SLC25A21: variants seen among roughly 807,000 people sequenced by gnomAD.
SLC25A21 encodes the protein mitochondrial 2-oxodicarboxylate carrier.
In SLC25A21, 47 loss-of-function variants were observed where a neutral mutation model predicts 43.8. The ratio of observed to expected loss-of-function variants is 1.07; its 90% confidence interval spans 0.85 to 1.37. SLC25A21 has a LOEUF of 1.37. SLC25A21 is among the 40% of genes most tolerant of loss of function. The probability of loss-of-function intolerance (pLI) is 0.00; values close to 1 mark genes in which losing one functional copy is unlikely to be tolerated. For synonymous variants in SLC25A21, 131 were observed against 121.3 expected (o/e 1.08, Z -0.52); for missense variants, 352 against 350.2 (o/e 1.00, Z -0.04).
intron 1 of SLC25A21, among the ~76,000 whole-genome samples, chr14:37,132,499 A>G (rs1332492032): frequency 6.6e-6 from 1 of 152,184 alleles, no homozygotes; most frequent in African/African-American, 2.4e-5. Context: ...TAAAATAGAA[A>G]GACTTTTCAG....
chr14:37,013,322 T>C (rs1454512095), intron 1 of SLC25A21, among the ~76,000 whole-genome samples: 4 of 152,168 alleles, frequency 2.6e-5, no homozygotes, highest in Non-Finnish European at 5.9e-5. Flanking sequence ...CGACATTTCC[T>C]TTATTAATAG....
At chr14:37,171,372 G>C (rs991848946) in intron 1 of SLC25A21, among the ~76,000 whole-genome samples, 2 of 152,064 alleles carry the variant, frequency 1.3e-5, no homozygotes, top group African/African-American at 4.8e-5. Context: ...ACTTTTACTA[G>C]TCGAAGTTAA....
intron 1 of SLC25A21, among the ~76,000 whole-genome samples, chr14:36,979,875 C>T (rs899940981): frequency 1.3e-5 from 2 of 151,966 alleles, no homozygotes; most frequent in Admixed American, 1.3e-4. Flanking sequence ...AACTATAATC[C>T]AGCAATTTGT....
chr14:36,989,363 T>G (rs964782998), intron 1 of SLC25A21, among the ~76,000 whole-genome samples: 1 of 152,186 alleles, frequency 6.6e-6, no homozygotes, highest in Non-Finnish European at 1.5e-5. Context: ...CCATGAACTT[T>G]GGGAAGATGC....
At chr14:37,084,861 T>C (rs73262126) in intron 1 of SLC25A21, among the ~76,000 whole-genome samples, 358 of 152,342 alleles carry the variant, frequency 2.3e-3, no homozygotes, top group African/African-American at 7.8e-3. Context: ...CAGGATAGAA[T>C]TGAGAGTCCA....
At chr14:36,875,588 G>A (rs1890497658) in intron 1 of SLC25A21, among the ~76,000 whole-genome samples, 1 of 152,176 alleles carries the variant, frequency 6.6e-6, no homozygotes, top group African/African-American at 2.4e-5. Flanking sequence ...GCAGTACTTA[G>A]ATTACCTCAT....
intron 1 of SLC25A21, among the ~76,000 whole-genome samples, chr14:36,975,267 C>G (rs780815932): frequency 3.9e-5 from 6 of 152,174 alleles, no homozygotes; most frequent in Non-Finnish European, 7.3e-5. Flanking sequence ...TATAATGAAA[C>G]AGTCATTGAT....
intron 1 of SLC25A21, among the ~76,000 whole-genome samples, chr14:37,139,281 A>G (rs934817402): frequency 2.6e-5 from 4 of 152,172 alleles, no homozygotes; most frequent in Admixed American, 2.6e-4. Context: ...AATAAATAAC[A>G]GGACAAATTC....
At chr14:37,098,742 TAGATAGACAGACAGACAGACAGAC>T (rs1361987244) in intron 1 of SLC25A21, among the ~76,000 whole-genome samples, 4 of 8,622 alleles carry the variant, frequency 4.6e-4, no homozygotes, top group Admixed American at 2.3e-3. Flanking sequence ...GATAGATAGA[TAGATAGACAGACAGACAGACAGAC>T]AGACAGACAG....
intron 1 of SLC25A21, among the ~76,000 whole-genome samples, chr14:36,941,243 C>G (rs1892549629): frequency 6.6e-6 from 1 of 152,028 alleles, no homozygotes; most frequent in Admixed American, 6.6e-5. Flanking sequence ...AAAATCATCT[C>G]ATATTTTTAG....
At chr14:37,019,317 T>C (rs1477788477) in intron 1 of SLC25A21, among the ~76,000 whole-genome samples, 1 of 151,866 alleles carries the variant, frequency 6.6e-6, no homozygotes, top group Non-Finnish European at 1.5e-5. Flanking sequence ...CTCTAGGCCT[T>C]ATACGGCTGG....
intron 1 of SLC25A21, among the ~76,000 whole-genome samples, chr14:36,932,140 G>T (rs1370712204): frequency 6.6e-6 from 1 of 152,070 alleles, no homozygotes; most frequent in East Asian, 1.9e-4. Context: ...AGTCAATAAA[G>T]CAACTCAAAA....
chr14:36,678,976 A>ATAT lies in SLC25A21; in HGVS notation c.*1679_*1681dup. 1 of 982,192 alleles carries ATAT rather than the reference A, an allele frequency of 1.0e-6. No homozygotes were observed. The highest frequency in any genetic ancestry group is 1.2e-6 in the Non-Finnish European group (1 of 827,716). The allele number at this position is 982,192 out of a possible 1,614,324, so 60.8% of individuals were successfully genotyped here. On this transcript the variant is annotated 3_prime_UTR_variant, in exon 10 of 10. Transcript: ENST00000331299. ...AAGATTATTATTGGTTAATGTTGACATATTTCCTCTATCTCATAGATGGTA... is the reference window on the plus strand; with the variant it reads ...AAGATTATTATTGGTTAATGTTGACATATTATTTCCTCTATCTCATAGATGGTA...
In SLC25A21 at chr14:36,678,586, T is replaced by C. The variant is rs1046286088; in HGVS notation, c.*2072A>G. 2.0e-6 allele frequency: 3 copies of C among 1,511,816 alleles called. No homozygotes were observed. Among genetic ancestry groups the C allele is most frequent in the Non-Finnish European group, 1.8e-6 (2 of 1,135,068 alleles). The allele number at this position is 1,511,816 out of a possible 1,614,324, so 93.7% of individuals were successfully genotyped here. ...ATACCATACAGGGACTCTCCTGTCA[T>C]CTGAAAAACTGATGTAAGGTACAGA... On this transcript the variant is annotated 3_prime_UTR_variant, in exon 10 of 10. Coordinates refer to ENST00000331299, the MANE Select transcript of SLC25A21 (RefSeq NM_030631.4).
At chr14:37,099,591 C>T (rs189543340) in intron 1 of SLC25A21, among the ~76,000 whole-genome samples, 2 of 152,116 alleles carry the variant, frequency 1.3e-5, no homozygotes, top group East Asian at 3.9e-4. Flanking sequence ...GGATGTTCCC[C>T]CCGCCACCGA....
chr14:37,108,555 C>T (rs766658820), intron 1 of SLC25A21, among the ~76,000 whole-genome samples: 6 of 152,056 alleles, frequency 3.9e-5, no homozygotes, highest in Non-Finnish European at 7.4e-5. Context: ...GTTTAAAAGG[C>T]TAGTACTGAT....
intron 1 of SLC25A21, among the ~76,000 whole-genome samples, chr14:36,989,649 G>C (rs890710018): frequency 3.3e-5 from 5 of 151,932 alleles, no homozygotes; most frequent in African/African-American, 1.2e-4. Context: ...AAAATGCCTG[G>C]CTGGTTTTTA....
intron 1 of SLC25A21, among the ~76,000 whole-genome samples, chr14:37,115,079 C>T (rs1221064081): frequency 6.6e-6 from 1 of 152,138 alleles, no homozygotes; most frequent in Admixed American, 6.6e-5. Context: ...ATCATCAAGT[C>T]TTTGGCTAAT....
At chr14:37,080,307 T>C (rs1281196061) in intron 1 of SLC25A21, among the ~76,000 whole-genome samples, 1 of 152,176 alleles carries the variant, frequency 6.6e-6, no homozygotes, top group African/African-American at 2.4e-5. Context: ...TATTAACCAC[T>C]CACGGCCAAG....
Sources: gnomAD v4.1 joint callset for allele counts (sites outside exome capture counted in the v4.1 genomes callset) on GRCh38, gnomAD v4.1.1 for gene constraint, MANE v1.5 for transcripts, NCBI Gene and HGNC (gene_info 2026-07-23, HGNC 2026-07-21) for gene names.